PTPRG: variants seen among roughly 807,000 people sequenced by gnomAD.
The protein encoded by PTPRG is receptor-type tyrosine-protein phosphatase gamma.
Under a neutral mutation model 165.3 loss-of-function variants are expected in PTPRG, and 102 were observed. That is an observed-to-expected ratio of 0.62 (90% CI 0.53 to 0.73). The LOEUF is 0.73. Ranked by LOEUF, PTPRG falls within the 30% of genes least tolerant of loss-of-function variation. PTPRG has a pLI of 0.00. For synonymous variants in PTPRG, 675 were observed against 669.5 expected, an observed-to-expected ratio of 1.01 and a Z score of -0.13; for missense variants, 1,866 against 1,861.4, an observed-to-expected ratio of 1.00 and a Z score of -0.05.
At chr3:61,619,472 G>T (rs998790964) in intron 1 of PTPRG, among the ~76,000 whole-genome samples, 3 of 152,172 alleles carry the variant, frequency 2.0e-5, no homozygotes, top group African/African-American at 7.2e-5. Flanking sequence ...GTAGAGGCCA[G>T]GCATGCTGCT....
At chr3:61,734,132 A>G (rs1401051112) in intron 1 of PTPRG, among the ~76,000 whole-genome samples, 1 of 152,224 alleles carries the variant, frequency 6.6e-6, no homozygotes, top group Non-Finnish European at 1.5e-5. Context: ...CTCTGGTTAG[A>G]GCATGACTGT....
intron 2 of PTPRG, among the ~76,000 whole-genome samples, chr3:61,787,884 C>T (rs1463209636): frequency 1.3e-5 from 2 of 152,124 alleles, no homozygotes; most frequent in Non-Finnish European, 2.9e-5. Context: ...TGTTAAAATT[C>T]CTGAAATTAG....
intron 1 of PTPRG, among the ~76,000 whole-genome samples, chr3:61,746,536 T>G (rs2033213971): frequency 1.3e-5 from 2 of 152,062 alleles, no homozygotes; most frequent in Admixed American, 1.3e-4. Flanking sequence ...CCCCCTGGCT[T>G]TGGTTCTAAT....
At chr3:61,864,712 C>G (rs575282198) in intron 2 of PTPRG, among the ~76,000 whole-genome samples, 6 of 152,190 alleles carry the variant, frequency 3.9e-5, no homozygotes, top group African/African-American at 1.4e-4. Flanking sequence ...ATAACACAGG[C>G]GTTTTAAGGT....
At chr3:61,995,563 G>T (rs1057338659) in intron 3 of PTPRG, among the ~76,000 whole-genome samples, 1 of 151,998 alleles carries the variant, frequency 6.6e-6, no homozygotes, top group Admixed American at 6.6e-5. Flanking sequence ...TAGGAAAAGT[G>T]TGTTTGTGTG....
intron 1 of PTPRG, among the ~76,000 whole-genome samples, chr3:61,746,231 T>TTC (rs751410227): frequency 0.15 from 11,243 of 72,770 alleles, 821 homozygotes; most frequent in Non-Finnish European, 0.23. Flanking sequence ...TTTTTTTTTT[T>TTC]TTTTTGAGAC....
At chr3:61,638,095 C>T (rs1025908987) in intron 1 of PTPRG, among the ~76,000 whole-genome samples, 1 of 152,200 alleles carries the variant, frequency 6.6e-6, no homozygotes, top group African/African-American at 2.4e-5. Context: ...AACTCTTCAA[C>T]TGCTGTTTTC....
intron 1 of PTPRG, among the ~76,000 whole-genome samples, chr3:61,661,385 G>A (rs1040762638): frequency 2.0e-5 from 3 of 151,864 alleles, no homozygotes; most frequent in African/African-American, 7.3e-5. Flanking sequence ...AACCTTGACT[G>A]TGGTGAATAT....
At position 62,203,614 on chromosome 3, in the gene PTPRG, G is replaced by A. The variant is rs1700149166; in HGVS notation, c.1819G>A (p.Glu607Lys). The part of the protein sequence containing the change: ...EDGEKDSEKK[E>K]KSGVTHAAEE... ...TGGAGAGAAGGACTCCGAAAAGAAG[G>A]AGAAGAGTGGGGTGACCCACGCTGC... Residue 607 changes from glutamate (E) to lysine (K), a missense_variant, in exon 12 of 30, where the codon GAG becomes AAG. Glu to Lys is a moderately conservative substitution (Grantham distance 56). Transcript: ENST00000474889. This position sits in a 1 kb window ranked among gnomAD's most constrained non-coding sequence, Gnocchi z 6.4. 4.5e-6 allele frequency: 7 copies of A among 1,553,582 alleles called. No homozygotes were observed. The highest frequency in any genetic ancestry group is 3.6e-5 in the South Asian group (3 of 84,260).
intron 5 of PTPRG, among the ~76,000 whole-genome samples, chr3:62,112,645 C>T (rs371424915): frequency 1.6e-4 from 24 of 152,276 alleles, no homozygotes; most frequent in African/African-American, 5.3e-4. Context: ...TAGACCTTTA[C>T]GAGTCCTATC....
At chr3:61,600,475 CCTTTTA>C (rs1213193132) in intron 1 of PTPRG, among the ~76,000 whole-genome samples, 3 of 151,910 alleles carry the variant, frequency 2.0e-5, no homozygotes, top group Non-Finnish European at 4.4e-5. Flanking sequence ...CTGGATGAAA[CCTTTTA>C]CTTTGTCTTT....
chr3:61,591,917 A>G (rs1030059721), intron 1 of PTPRG, among the ~76,000 whole-genome samples: 5 of 152,096 alleles, frequency 3.3e-5, no homozygotes, highest in Admixed American at 2.6e-4. Flanking sequence ...TCAAAGGGGT[A>G]GAAGGGGATG....
At chr3:62,288,334 T>C (rs1294195943) in intron 28 of PTPRG, among the ~76,000 whole-genome samples, 1 of 152,040 alleles carries the variant, frequency 6.6e-6, no homozygotes, top group Non-Finnish European at 1.5e-5. Flanking sequence ...GTTTTGGAAA[T>C]ATGATGAAGG....
intron 2 of PTPRG, among the ~76,000 whole-genome samples, chr3:61,947,995 A>G (rs1461217921): frequency 2.0e-5 from 3 of 152,136 alleles, no homozygotes; most frequent in East Asian, 3.9e-4. Flanking sequence ...GGTGCTGGCC[A>G]GGCACGGAAA....
intron 2 of PTPRG, among the ~76,000 whole-genome samples, chr3:61,803,287 T>C (rs1373640051): frequency 1.3e-5 from 2 of 152,214 alleles, no homozygotes; most frequent in Non-Finnish European, 2.9e-5. Flanking sequence ...ATCTCTGCAA[T>C]AGCATCATTT....
rs1462843122 is a variant in PTPRG at position 62,233,143 on chromosome 3, G to C, written c.2375+1832G>C. Reference sequence around the variant, plus strand: ...AGTTGTCACTTGGCTAAGCCACCCTGCCTAAGTGGTTGCCTTGGGACTCCA... The same window carrying C: ...AGTTGTCACTTGGCTAAGCCACCCTCCCTAAGTGGTTGCCTTGGGACTCCA... On this transcript the variant is annotated intron_variant, in intron 14 of 29. Coordinates refer to ENST00000474889, the MANE Select transcript of PTPRG (RefSeq NM_002841.4). This position sits in a 1 kb window ranked among gnomAD's most constrained non-coding sequence, Gnocchi z 4.7. 6.6e-6 allele frequency among the ~76,000 whole-genome samples: 1 copy of C among 152,156 alleles called. No individual in the cohort carries two copies. Among genetic ancestry groups the C allele is most frequent in the Non-Finnish European group, 1.5e-5 (1 of 68,018 alleles).
At chr3:62,232,525 T>C (rs188970268) in intron 14 of PTPRG, among the ~76,000 whole-genome samples, 2 of 152,378 alleles carry the variant, frequency 1.3e-5, no homozygotes, top group South Asian at 2.1e-4. Flanking sequence ...CAGTCCATTA[T>C]AAATATGTTG....
Position 61,926,962 on chromosome 3 carries a change from T to C in PTPRG, c.191-62663T>C, listed in dbSNP as rs546511205. On this transcript the variant is annotated intron_variant, in intron 2 of 29. Coordinates refer to ENST00000474889, the MANE Select transcript of PTPRG (RefSeq NM_002841.4). ...ACATGTTGTCCTTTTCTACCTGTAA[T>C]GTAGTGCATGCAGATGACAGGACAT... is the stretch of plus-strand genomic sequence containing the variant. Among the ~76,000 whole-genome samples the C allele has an allele frequency of 1.9e-3, 294 of 152,288 alleles. 1 individual carries two copies. The highest frequency in any genetic ancestry group is 3.4e-3 in the Non-Finnish European group (233 of 68,034).
chr3:61,754,717 A>G lies in PTPRG; in HGVS notation c.190+5735A>G, dbSNP rs146577027. Among the ~76,000 whole-genome samples the G allele has an allele frequency of 1.1e-3, 167 of 152,352 alleles. 1 individual carries two copies. Among genetic ancestry groups the G allele is most frequent in the African/African-American group, 3.8e-3 (160 of 41,590 alleles). ...TTTCACTGTTGGATCCCTTTAAATA[A>G]CAAGCTCCCCTGGTGAACTTAAGAT... On this transcript the variant is annotated intron_variant, in intron 2 of 29. Coordinates refer to ENST00000474889, the MANE Select transcript of PTPRG (RefSeq NM_002841.4).
Sources: allele counts gnomAD v4.1 joint callset (sites outside exome capture counted in the v4.1 genomes callset), GRCh38; gene constraint gnomAD v4.1.1; non-coding constraint Gnocchi (gnomAD v3.1); transcripts MANE v1.5; gene names NCBI Gene and HGNC (gene_info 2026-07-23, HGNC 2026-07-21).